Variants in GATB observed in about 807,000 individuals in gnomAD.
The protein encoded by GATB is glutamyl-tRNA(Gln) amidotransferase subunit B, mitochondrial.
A neutral mutation model predicts 62.3 loss-of-function variants in GATB; 39 were observed. The ratio of observed to expected loss-of-function variants is 0.63; its 90% CI spans 0.48 to 0.82. The LOEUF (loss-of-function observed/expected upper bound fraction) is 0.82. GATB is among the 40% of genes least tolerant of loss of function. The probability of loss-of-function intolerance (pLI) is 0.00; values close to 1 mark genes in which losing one functional copy is unlikely to be tolerated. For synonymous variants in GATB, 276 were observed against 258.9 expected, an observed-to-expected ratio of 1.07 and a Z score of -0.63; for missense variants, 670 against 684.0, an observed-to-expected ratio of 0.98 and a Z score of 0.23.
At chr4:151,735,948 G>A (rs1044943173) in intron 2 of GATB, among the ~76,000 whole-genome samples, 3 of 151,270 alleles carry the variant, frequency 2.0e-5, no homozygotes, top group Admixed American at 1.3e-4. Flanking sequence ...GGGTGCACCA[G>A]GATCTCACAA....
intron 9 of GATB, among the ~76,000 whole-genome samples, chr4:151,697,057 T>C (rs963708911): frequency 6.6e-6 from 1 of 152,176 alleles, no homozygotes; most frequent in Non-Finnish European, 1.5e-5. Context: ...ACAGCCTCTA[T>C]GGAAAACAGT....
At chr4:151,750,120 A>G (rs59843173) in intron 2 of GATB, among the ~76,000 whole-genome samples, 2,233 of 152,300 alleles carry the variant, frequency 0.015, 51 homozygotes, top group African/African-American at 0.046. Flanking sequence ...TGACCTCGTG[A>G]TCCGCCCACC....
At chr4:151,753,710 T>C (rs535570946) in intron 2 of GATB, among the ~76,000 whole-genome samples, 30 of 152,210 alleles carry the variant, frequency 2.0e-4, no homozygotes, top group Non-Finnish European at 4.3e-4. Flanking sequence ...TAACATGAGA[T>C]CTATCCTCTT....
chr4:151,702,434 T>C (rs1279898456), intron 8 of GATB, among the ~76,000 whole-genome samples: 3 of 152,144 alleles, frequency 2.0e-5, no homozygotes, highest in Non-Finnish European at 4.4e-5. Flanking sequence ...TGCATGTCAT[T>C]GTGCATATGT....
intron 12 of GATB, 44 bp downstream of exon 12, chr4:151,672,718 T>C (rs545140256): frequency 2.9e-5 from 47 of 1,601,950 alleles, no homozygotes; most frequent in Non-Finnish European, 3.8e-5. Context: ...CTTGGGCATG[T>C]CCTGGGGCTG....
chr4:151,697,937 A>ATGTG lies in GATB; in HGVS notation c.1197+3388_1197+3391dup, dbSNP rs149235830. 7.4e-3 allele frequency among the ~76,000 whole-genome samples: 413 copies of ATGTG among 55,720 alleles called. 36 individuals are homozygous for ATGTG. The highest frequency in any genetic ancestry group is 0.028 in the African/African-American group (373 of 13,474). 36.6% of individuals were successfully genotyped at this position (55,720 alleles called of 152,430 possible). ...ACAAACAAAAATCGATTTCATATATATGTGTGTGTGTGTGTGTATATATAT... is the reference window on the plus strand; with the variant it reads ...ACAAACAAAAATCGATTTCATATATATGTGTGTGTGTGTGTGTGTGTATATATAT... On this transcript the variant is annotated intron_variant, in intron 9 of 12. Transcript: ENST00000263985.
intron 2 of GATB, among the ~76,000 whole-genome samples, chr4:151,754,008 A>T (rs1739771870): frequency 6.6e-6 from 1 of 152,146 alleles, no homozygotes; most frequent in South Asian, 2.1e-4. Flanking sequence ...CTTCTTAATA[A>T]ATCCAATGGG....
At chr4:151,673,986 C>G (rs569102190) in intron 11 of GATB, 3 of 152,198 alleles carry the variant, frequency 2.0e-5, no homozygotes, top group African/African-American at 7.2e-5. Context: ...CAAAGTCTTC[C>G]CCAGTCTGAT....
chr4:151,758,302 C>G (rs1055146778), intron 2 of GATB, among the ~76,000 whole-genome samples: 1 of 152,160 alleles, frequency 6.6e-6, no homozygotes, highest in South Asian at 2.1e-4. Context: ...CTTCAGTAAC[C>G]CTTCCTTAAC....
At chr4:151,717,694 ATCCTGCAAGGATCCC>A (rs1738941730) in intron 3 of GATB, among the ~76,000 whole-genome samples, 1 of 152,202 alleles carries the variant, frequency 6.6e-6, no homozygotes, top group Non-Finnish European at 1.5e-5. Context: ...GCACTGATGG[ATCCTGCAAGGATCCC>A]TCACCTGCTT....
At chr4:151,741,127 AT>A (rs899361261) in intron 2 of GATB, among the ~76,000 whole-genome samples, 1 of 151,996 alleles carries the variant, frequency 6.6e-6, no homozygotes, top group East Asian at 1.9e-4. Flanking sequence ...GATATAGACT[AT>A]TTTTTTTCCT....
intron 2 of GATB, among the ~76,000 whole-genome samples, chr4:151,737,860 A>C (rs111362604): frequency 1.1e-4 from 16 of 152,322 alleles, no homozygotes; most frequent in African/African-American, 3.4e-4. Flanking sequence ...CACAGAAGTC[A>C]AGAACCAAGG....
At chr4:151,705,664 G>A (rs1029017684) in intron 6 of GATB, among the ~76,000 whole-genome samples, 2 of 152,176 alleles carry the variant, frequency 1.3e-5, no homozygotes, top group Non-Finnish European at 2.9e-5. Context: ...TACACAAAGT[G>A]TGGGTTGTGT....
intron 2 of GATB, among the ~76,000 whole-genome samples, chr4:151,729,052 T>C (rs1330917018): frequency 6.6e-6 from 1 of 152,138 alleles, no homozygotes; most frequent in African/African-American, 2.4e-5. Flanking sequence ...GACAGAGACT[T>C]TTAGGAAGAA....
chr4:151,705,711 T>G (rs1371377596), intron 6 of GATB, among the ~76,000 whole-genome samples: 1 of 152,210 alleles, frequency 6.6e-6, no homozygotes, highest in African/African-American at 2.4e-5. Flanking sequence ...GTCCAGCATT[T>G]ACATTATCTT....
chr4:151,746,972 A>G (rs185691127), intron 2 of GATB, among the ~76,000 whole-genome samples: 2 of 152,192 alleles, frequency 1.3e-5, no homozygotes, highest in African/African-American at 4.8e-5. Flanking sequence ...GTTTAAAGCC[A>G]TGTGACACCA....
rs144968473 is a variant in GATB at position 151,683,150 on chromosome 4, C to T, written c.1332-3259G>A. Among the ~76,000 whole-genome samples the T allele has an allele frequency of 2.3e-3, 355 of 151,762 alleles. 2 individuals carry two copies. Among genetic ancestry groups the T allele is most frequent in the African/African-American group, 7.8e-3 (323 of 41,188 alleles). ...TCCGATCTTCCCTGTCTTGACAATG[C>T]CTTTGGCTGACCTTGCAGTCACTTG... is the stretch of plus-strand genomic sequence containing the variant. On this transcript the variant is annotated intron_variant, in intron 10 of 12. Coordinates refer to ENST00000263985, the MANE Select transcript of GATB (RefSeq NM_004564.3).
chr4:151,697,953 G>GTGTGTATATA (rs1186735671), intron 9 of GATB, among the ~76,000 whole-genome samples: 16 of 40,594 alleles, frequency 3.9e-4, no homozygotes, highest in African/African-American at 1.7e-3. Flanking sequence ...GTGTGTGTGT[G>GTGTGTATATA]TATATATATA....
In GATB at chr4:151,707,993, G is replaced by A; in HGVS notation, c.872C>T (p.Ala291Val). 1.2e-6 allele frequency: 2 copies of A among 1,608,230 alleles called. No individual in the cohort carries two copies. The highest frequency in any genetic ancestry group is 1.7e-6 in the Non-Finnish European group (2 of 1,174,578). The part of the protein sequence containing the change: ...NLNSIRFLAK[A>V]IDYEIQRQIN... ...GAGCGGCAGCTGGCATTCACCTATG[G>A]CTTTGGCCAGGAACCTGATGCTGTT... Residue 291 changes from alanine to valine, a missense_variant, in exon 6 of 13, where the codon GCC becomes GTC. Physicochemically the swap from Ala to Val is moderately conservative, Grantham distance 64. Transcript: ENST00000263985.
Sources: gnomAD v4.1 joint callset for allele counts (sites outside exome capture counted in the v4.1 genomes callset) on GRCh38, gnomAD v4.1.1 for gene constraint, MANE v1.5 for transcripts, NCBI Gene and HGNC (gene_info 2026-07-23, HGNC 2026-07-21) for gene names.